The following CCDC191 variants were observed in gnomAD, a reference collection of about 807,000 sequenced individuals.
The protein encoded by CCDC191 is coiled-coil domain-containing protein 191.
CCDC191 carries 99 observed loss-of-function variants against 114.0 expected under a neutral mutation model. The ratio of observed to expected loss-of-function variants is 0.87; its 90% CI spans 0.74 to 1.03. CCDC191 has a LOEUF of 1.03. Ranked by LOEUF, CCDC191 falls within the 50% of genes least tolerant of loss-of-function variation. The pLI is 0.00. For synonymous variants in CCDC191, 351 were observed against 376.0 expected, an observed-to-expected ratio of 0.93 and a Z score of 0.77; for missense variants, 973 against 1,087.0, an observed-to-expected ratio of 0.90 and a Z score of 1.47.
At chr3:114,018,323 ATATTTTATTTTATTT>A (rs143204325) in intron 8 of CCDC191, among the ~76,000 whole-genome samples, 19 of 150,886 alleles carry the variant, frequency 1.3e-4, no homozygotes, top group Non-Finnish European at 2.4e-4. Flanking sequence ...TGTACAATGT[ATATTTTATTTTATTT>A]TATTTTATTT....
intron 13 of CCDC191, among the ~76,000 whole-genome samples, chr3:113,989,209 A>G (rs1206669903): frequency 6.6e-6 from 1 of 152,232 alleles, no homozygotes; most frequent in East Asian, 1.9e-4. Flanking sequence ...AGAAACTTCA[A>G]TAGTCCTCTC....
intron 9 of CCDC191, among the ~76,000 whole-genome samples, chr3:114,009,859 C>T (rs554469762): frequency 6.6e-6 from 1 of 152,186 alleles, no homozygotes; most frequent in South Asian, 2.1e-4. Flanking sequence ...AATACAGGAG[C>T]TAAACAAATT....
intron 5 of CCDC191, among the ~76,000 whole-genome samples, chr3:114,036,160 T>A (rs1279285117): frequency 6.6e-6 from 1 of 152,186 alleles, no homozygotes; most frequent in Non-Finnish European, 1.5e-5. Context: ...TGAACTTGAT[T>A]CAATTCAGAT....
intron 7 of CCDC191, among the ~76,000 whole-genome samples, chr3:114,022,259 C>T (rs190953560): frequency 2.0e-5 from 3 of 152,272 alleles, no homozygotes; most frequent in Admixed American, 6.5e-5. Context: ...CAGAAAAGCT[C>T]TTCCCTGAAG....
At chr3:114,004,001 G>A in intron 11 of CCDC191, 1 of 985,068 alleles carries the variant, frequency 1.0e-6, no homozygotes, top group Non-Finnish European at 1.2e-6. Flanking sequence ...AGGTGCAGTG[G>A]TTCATGCCTA....
intron 8 of CCDC191, among the ~76,000 whole-genome samples, chr3:114,012,419 C>A (rs574728236): frequency 4.6e-5 from 7 of 152,168 alleles, no homozygotes; most frequent in Non-Finnish European, 1.0e-4. Context: ...AATTCACTCA[C>A]TGATGGTTTT....
chr3:113,981,819 A>C (rs1206748469), intron 13 of CCDC191, among the ~76,000 whole-genome samples: 1 of 152,188 alleles, frequency 6.6e-6, no homozygotes, highest in Non-Finnish European at 1.5e-5. Flanking sequence ...AAAGCTCTGA[A>C]AAATGAAATG....
chr3:113,994,399 G>A (rs1313451142), intron 13 of CCDC191, among the ~76,000 whole-genome samples: 3 of 152,088 alleles, frequency 2.0e-5, no homozygotes, highest in South Asian at 4.2e-4. Flanking sequence ...AACAAATGCT[G>A]ATGAGGATGT....
At chr3:113,980,942 TA>T (rs538056354) in intron 13 of CCDC191, 149 bp from the exon 14 acceptor site, 21 of 698,508 alleles carry the variant, frequency 3.0e-5, no homozygotes, top group East Asian at 1.8e-4. Context: ...GCTTTTTCTT[TA>T]AAAAAAAGGA....
Position 114,036,630 on chromosome 3 carries a change from G to T in CCDC191, c.572C>A (p.Thr191Asn). 6.3e-7 allele frequency: 1 copy of T among 1,596,878 alleles called. No homozygotes were observed. The highest frequency in any genetic ancestry group is 8.5e-7 in the Non-Finnish European group (1 of 1,170,910). ...CACCTGCTTATGTCTCATCTCCATGGTAAGACGAGGATCCTTCTGCTGCTT... is the reference window on the plus strand; with the variant it reads ...CACCTGCTTATGTCTCATCTCCATGTTAAGACGAGGATCCTTCTGCTGCTT... ...DKKQQKDPRL[T>N]MEMRHKQVKE... The change falls in exon 5 of 17, where the codon ACC becomes AAC. Residue 191 changes from threonine (T) to asparagine (N), a missense_variant. Transcript: ENST00000295878.
At chr3:114,012,763 T>C (rs1490091408) in intron 8 of CCDC191, among the ~76,000 whole-genome samples, 1 of 152,184 alleles carries the variant, frequency 6.6e-6, no homozygotes, top group Non-Finnish European at 1.5e-5. Flanking sequence ...TAATTTCCTG[T>C]TTTTACAGCA....
At position 113,980,568 on chromosome 3, in the gene CCDC191, CCT is replaced by C. The variant is rs2075112055; in HGVS notation, c.2307+80_2307+81del. 1.0e-5 allele frequency: 13 copies of C among 1,293,956 alleles called. No individual in the cohort carries two copies. In the East Asian group the frequency reaches 3.0e-4, roughly 30 times the overall value. 80.2% of individuals were successfully genotyped at this position (1,293,956 alleles called of 1,614,324 possible). A position where few individuals can be genotyped will look rare whatever the true frequency, so the allele number is the denominator to read the frequency against. On this transcript the variant is annotated intron_variant, in intron 14 of 16. Coordinates refer to ENST00000295878, the MANE Select transcript of CCDC191 (RefSeq NM_020817.2). The stretch of plus-strand genomic sequence containing the variant: ...CTGGCTTTAAATCACCAAACCCTAC[CCT>C]CCCCCAAGCTTAACTGGGCATCCAT...
intron 3 of CCDC191, among the ~76,000 whole-genome samples, chr3:114,044,424 T>C (rs1249243914): frequency 6.6e-6 from 1 of 152,268 alleles, no homozygotes; most frequent in African/African-American, 2.4e-5. Context: ...TCATCATTGT[T>C]ATTACTATCA....
intron 4 of CCDC191, among the ~76,000 whole-genome samples, chr3:114,038,485 C>T (rs531698994): frequency 2.6e-5 from 4 of 152,290 alleles, no homozygotes; most frequent in South Asian, 4.1e-4. Flanking sequence ...AAGTATAGCA[C>T]GTGTACCACA....
intron 13 of CCDC191, among the ~76,000 whole-genome samples, chr3:113,993,772 C>A (rs994215229): frequency 2.6e-5 from 4 of 152,020 alleles, no homozygotes; most frequent in African/African-American, 9.7e-5. Context: ...GTAGTCTCAG[C>A]TACTTGGAAG....
At chr3:114,051,050 C>T (rs1388758850) in intron 2 of CCDC191, among the ~76,000 whole-genome samples, 1 of 152,100 alleles carries the variant, frequency 6.6e-6, no homozygotes, top group Non-Finnish European at 1.5e-5. Flanking sequence ...TTTGGTTGTT[C>T]ATCTGTATTC....
chr3:113,971,123 T>C (rs1026694144), intron 16 of CCDC191, among the ~76,000 whole-genome samples: 1 of 152,188 alleles, frequency 6.6e-6, no homozygotes, highest in Non-Finnish European at 1.5e-5. Context: ...TAGTTCTAGA[T>C]CCCTGAGGAA....
In CCDC191 at chr3:113,971,558, C is replaced by T. The variant is rs117425908; in HGVS notation, c.2607-6199G>A. Among the ~76,000 whole-genome samples the T allele has an allele frequency of 9.7e-4, 148 of 152,204 alleles. 3 individuals carry two copies. The East Asian group carries it at 0.015, about 15-fold the overall frequency. Reference sequence around the variant, plus strand: ...TGATCATGGTGAATGTTCTTTTCAACGTGTTATTGAATTTGGTTTGCCGGT... The same window carrying T: ...TGATCATGGTGAATGTTCTTTTCAATGTGTTATTGAATTTGGTTTGCCGGT... On this transcript the variant is annotated intron_variant, in intron 16 of 16. Coordinates refer to ENST00000295878, the MANE Select transcript of CCDC191 (RefSeq NM_020817.2).
Position 114,001,697 on chromosome 3 carries a change from C to T in CCDC191, c.2062-1G>A, listed in dbSNP as rs758290886. 1.2e-6 allele frequency: 2 copies of T among 1,613,686 alleles called. No individual in the cohort carries two copies. The highest frequency in any genetic ancestry group is 1.7e-5 in the Admixed American group (1 of 59,976). ...CCTCCTCTTGGGCCTTTAACTGGGC[C>T]TGATTGAGATTAGAACCCAGAAATA... On this transcript the variant is annotated splice_acceptor_variant, in intron 12 of 16. Transcript: ENST00000295878. LOFTEE classifies it high-confidence loss of function.
Sources: gnomAD v4.1 joint callset for allele counts (sites outside exome capture counted in the v4.1 genomes callset) on GRCh38, gnomAD v4.1.1 for gene constraint, MANE v1.5 for transcripts, NCBI Gene and HGNC (gene_info 2026-07-23, HGNC 2026-07-21) for gene names.